The following NID1 variants were observed in gnomAD, a reference collection of about 807,000 sequenced individuals.
NID1 encodes the protein nidogen-1.
Under a neutral mutation model 130.6 loss-of-function variants are expected in NID1, and 76 were observed. That is an observed-to-expected ratio of 0.58 (90% CI 0.48 to 0.70). The LOEUF (loss-of-function observed/expected upper bound fraction) is 0.70, where lower values mean the gene tolerates loss of function less well. Ranked by LOEUF, NID1 falls within the 30% of genes least tolerant of loss-of-function variation. The probability of loss-of-function intolerance (pLI) is 0.00; values close to 1 mark genes in which losing one functional copy is unlikely to be tolerated. For synonymous variants in NID1, 665 were observed against 675.1 expected (o/e 0.98, Z 0.23); for missense variants, 1,517 against 1,664.8 (o/e 0.91, Z 1.54).
chr1:236,027,172 G>C (rs1003676938), intron 7 of NID1, among the ~76,000 whole-genome samples: 1 of 152,162 alleles, frequency 6.6e-6, no homozygotes. Flanking sequence ...CCTGAACAGA[G>C]GAGAGGAGAG....
intron 9 of NID1, among the ~76,000 whole-genome samples, chr1:236,022,959 A>C (rs1175407853): frequency 1.3e-5 from 2 of 151,586 alleles, no homozygotes; most frequent in African/African-American, 2.4e-5. Context: ...CTACTAGGAG[A>C]CAAGTAGGTG....
chr1:235,998,704 C>G (rs1334887926), intron 12 of NID1, among the ~76,000 whole-genome samples: 1 of 152,098 alleles, frequency 6.6e-6, no homozygotes, highest in Non-Finnish European at 1.5e-5. Context: ...TTTGTTCACT[C>G]TTGAATGTAA....
At chr1:236,004,761 C>CAAAA (rs61480988) in intron 12 of NID1, among the ~76,000 whole-genome samples, 17,721 of 66,808 alleles carry the variant, frequency 0.27, 2,596 homozygotes, top group Non-Finnish European at 0.38. Context: ...GACTCTGTCT[C>CAAAA]AAAAAAAAAA....
At chr1:236,042,334 C>T in intron 3 of NID1, 42 bp from the exon 4 acceptor site, 1 of 1,567,186 alleles carries the variant, frequency 6.4e-7, no homozygotes, top group South Asian at 1.2e-5. Flanking sequence ...GCCAGCAACC[C>T]ACCAACAGCC....
At chr1:236,046,051 C>A (rs1362777024) in intron 2 of NID1, among the ~76,000 whole-genome samples, 4 of 152,174 alleles carry the variant, frequency 2.6e-5, no homozygotes, top group Admixed American at 6.5e-5. Context: ...TATTCAACCG[C>A]ATTCATCGTT....
At chr1:236,025,841 T>A in intron 8 of NID1, 55 bp downstream of exon 8, 1 of 1,576,062 alleles carries the variant, frequency 6.3e-7, no homozygotes, top group South Asian at 1.1e-5. Flanking sequence ...TGTCAAAGAG[T>A]GGGGTTTTAA....
intron 1 of NID1, among the ~76,000 whole-genome samples, chr1:236,059,689 A>T (rs1659988790): frequency 6.6e-6 from 1 of 152,234 alleles, no homozygotes; most frequent in South Asian, 2.1e-4. Context: ...GGGACAATCT[A>T]AGGATTACTG....
In NID1 at chr1:235,993,789, G is replaced by A; in HGVS notation, c.2611C>T (p.Pro871Ser). 1 of 1,614,188 alleles carries A rather than the reference G, an allele frequency of 6.2e-7. No homozygotes were observed. The highest frequency in any genetic ancestry group is 8.5e-7 in the Non-Finnish European group (1 of 1,180,028). ...TCGCACTCAGGAACGAACAGCCCCGGAGGAATGGGTCGCTGTGGGTCTGTC... is the reference window on the plus strand; with the variant it reads ...TCGCACTCAGGAACGAACAGCCCCGAAGGAATGGGTCGCTGTGGGTCTGTC... ...GATDPQRPIP[P>S]GLFVPECDAH... The change falls in exon 13 of 20, where the codon CCG becomes TCG. Residue 871 changes from proline to serine, a missense_variant. By Grantham distance (74) the Pro-to-Ser change is moderately conservative. Transcript: ENST00000264187.
At position 236,047,364 on chromosome 1, in the gene NID1, C is replaced by A. The variant is rs1451082751; in HGVS notation, c.525+1326G>T. 5.9e-5 allele frequency among the ~76,000 whole-genome samples: 9 copies of A among 152,158 alleles called. No homozygotes were observed. In the East Asian group the frequency reaches 1.5e-3, roughly 26 times the overall value. On this transcript the variant is annotated intron_variant, in intron 2 of 19. Coordinates refer to ENST00000264187, the MANE Select transcript of NID1 (RefSeq NM_002508.3). ...GCTTTGGGACCCTTCAAGTTTCTTT[C>A]TTCCTCATTTTCCTATAAAGGTGAA...
chr1:235,981,800 G>C lies in NID1; in HGVS notation c.3056-18C>G. 1.3e-6 allele frequency: 2 copies of C among 1,574,300 alleles called. No individual in the cohort carries two copies. The highest frequency in any genetic ancestry group is 1.7e-6 in the Non-Finnish European group (2 of 1,160,282). Reference sequence around the variant, plus strand: ...TCCAAGATCTAGAAGTAAACACAGAGCTCCTCTAATTTTTTTTGTTTTCTA... The same window carrying C: ...TCCAAGATCTAGAAGTAAACACAGACCTCCTCTAATTTTTTTTGTTTTCTA... On this transcript the variant is annotated intron_variant, in intron 15 of 19. Transcript: ENST00000264187.
Position 235,976,439 on chromosome 1 carries a change from A to T in NID1, c.*1428T>A, listed in dbSNP as rs1053475320. 6.6e-6 allele frequency: 1 copy of T among 152,028 alleles called. No homozygotes were observed. The highest frequency in any genetic ancestry group is 1.5e-5 in the Non-Finnish European group (1 of 67,996). The allele number at this position is 152,028 out of a possible 1,614,324, so 9.4% of individuals were successfully genotyped here. On this transcript the variant is annotated 3_prime_UTR_variant, in exon 20 of 20. Transcript: ENST00000264187. The stretch of plus-strand genomic sequence containing the variant: ...TTGCTGTTCTTAAATTCCTTCCCCT[A>T]CCACTTCCTCTTGGGCTTTTTTATT...
At chr1:236,064,415 G>C (rs1221048219) in intron 1 of NID1, 5 of 195,678 alleles carry the variant, frequency 2.6e-5, no homozygotes, top group Non-Finnish European at 5.2e-5. Flanking sequence ...CAAGAGTCCC[G>C]GGGCCCGCGC....
At chr1:236,029,946 G>C (rs1415992195) in intron 6 of NID1, among the ~76,000 whole-genome samples, 196 bp from the exon 7 acceptor site, 1 of 152,152 alleles carries the variant, frequency 6.6e-6, no homozygotes, top group African/African-American at 2.4e-5. Context: ...ACGCAGAGGA[G>C]AGAAGAGGCT....
intron 4 of NID1, among the ~76,000 whole-genome samples, chr1:236,040,114 G>A (rs1395752920): frequency 1.3e-5 from 2 of 152,136 alleles, no homozygotes; most frequent in Non-Finnish European, 2.9e-5. Flanking sequence ...CTTCACAAAT[G>A]AGAATTTCAG....
At position 235,976,147 on chromosome 1, in the gene NID1, G is replaced by C. The variant is rs1390317728; in HGVS notation, c.*1720C>G. On this transcript the variant is annotated 3_prime_UTR_variant, in exon 20 of 20. Transcript: ENST00000264187. ...ATGGTCCTCGAATCTTGTGATTCTT[G>C]GGGCTATATTTGCCTCTCAAGACAA... The C allele has an allele frequency of 6.6e-6, 1 of 152,174 alleles. No individual in the cohort carries two copies. The highest frequency in any genetic ancestry group is 1.5e-5 in the Non-Finnish European group (1 of 68,048). The allele number at this position is 152,174 out of a possible 1,614,324, so 9.4% of individuals were successfully genotyped here.
intron 15 of NID1, among the ~76,000 whole-genome samples, chr1:235,982,437 G>T (rs1001709500): frequency 6.6e-6 from 1 of 152,114 alleles, no homozygotes; most frequent in African/African-American, 2.4e-5. Context: ...GTTCTATCTT[G>T]TTCATTAGCT....
At chr1:236,005,230 G>GT (rs1658213989) in intron 12 of NID1, among the ~76,000 whole-genome samples, 1 of 138,068 alleles carries the variant, frequency 7.2e-6, no homozygotes, top group Admixed American at 6.9e-5. Context: ...CCAGATATAG[G>GT]CGGGGGGTGG....
At chr1:236,021,821 C>T (rs1396046184) in intron 9 of NID1, among the ~76,000 whole-genome samples, 1 of 152,142 alleles carries the variant, frequency 6.6e-6, no homozygotes, top group African/African-American at 2.4e-5. Context: ...ACTGACTTCC[C>T]CTTGGCAGTA....
intron 12 of NID1, among the ~76,000 whole-genome samples, chr1:236,001,166 T>C (rs1021636180): frequency 6.7e-6 from 1 of 149,844 alleles, no homozygotes; most frequent in Non-Finnish European, 1.5e-5. Flanking sequence ...AGTGAAGTGG[T>C]GCAATCTCAG....
Sources: gnomAD v4.1 joint callset for allele counts (sites outside exome capture counted in the v4.1 genomes callset) on GRCh38, gnomAD v4.1.1 for gene constraint, MANE v1.5 for transcripts, NCBI Gene and HGNC (gene_info 2026-07-23, HGNC 2026-07-21) for gene names.